SORCS1: variants seen among roughly 807,000 people sequenced by gnomAD.
The protein encoded by SORCS1 is VPS10 domain-containing receptor SorCS1.
In SORCS1, 60 loss-of-function variants were observed where a neutral mutation model predicts 146.1. The ratio of observed to expected loss-of-function variants is 0.41; its 90% CI spans 0.33 to 0.51. The LOEUF (loss-of-function observed/expected upper bound fraction) is 0.51, where lower values mean the gene tolerates loss of function less well. SORCS1 is among the 20% of genes least tolerant of loss of function. SORCS1 has a pLI of 0.21. For synonymous variants in SORCS1, 637 were observed against 584.0 expected (o/e 1.09, Z -1.31); for missense variants, 1,352 against 1,487.6 (o/e 0.91, Z 1.50).
At chr10:107,050,588 T>C (rs939228432) in intron 1 of SORCS1, among the ~76,000 whole-genome samples, 6 of 152,136 alleles carry the variant, frequency 3.9e-5, no homozygotes, top group Non-Finnish European at 8.8e-5. Context: ...GTGGCACCTC[T>C]CCTCAAAACT....
rs1040794351 is a variant in SORCS1, at chr10:106,577,167, A to C, written c.*253T>G. The C allele has an allele frequency of 1.4e-6, 2 of 1,397,270 alleles. No individual in the cohort carries two copies. The highest frequency in any genetic ancestry group is 1.5e-5 in the African/African-American group (1 of 68,836). 86.6% of individuals were successfully genotyped at this position (1,397,270 alleles called of 1,614,324 possible). A position where few individuals can be genotyped will look rare whatever the true frequency, so the allele number is the denominator to read the frequency against. On this transcript the variant is annotated 3_prime_UTR_variant, in exon 26 of 26. Transcript: ENST00000263054. ...TTGTTTGTTTGGATTTTGATTGTTT[A>C]TATTTTATGTTTTGTTTTGTTTTTG...
chr10:106,972,851 G>T (rs551074510), intron 1 of SORCS1, among the ~76,000 whole-genome samples: 1 of 152,300 alleles, frequency 6.6e-6, no homozygotes, highest in East Asian at 1.9e-4. Context: ...CCATTCTATA[G>T]CAATGGGGAG....
intron 1 of SORCS1, among the ~76,000 whole-genome samples, chr10:107,063,974 A>C (rs1030606216): frequency 2.6e-5 from 4 of 152,174 alleles, no homozygotes; most frequent in African/African-American, 9.6e-5. Context: ...TATTCAGTAG[A>C]ATTCAACACT....
intron 17 of SORCS1, among the ~76,000 whole-genome samples, chr10:106,654,987 G>A (rs926566020): frequency 2.0e-5 from 3 of 152,034 alleles, no homozygotes; most frequent in Non-Finnish European, 4.4e-5. Context: ...CATCCAAGTA[G>A]CTGGGATTAC....
At chr10:106,888,347 A>G (rs1951088097) in intron 2 of SORCS1, among the ~76,000 whole-genome samples, 1 of 152,200 alleles carries the variant, frequency 6.6e-6, no homozygotes, top group African/African-American at 2.4e-5. Flanking sequence ...CTGTACATTA[A>G]GGAGGTTCGT....
intron 5 of SORCS1, among the ~76,000 whole-genome samples, chr10:106,752,327 AC>A (rs1278234387): frequency 1.5e-4 from 23 of 152,332 alleles, no homozygotes; most frequent in African/African-American, 5.1e-4. Flanking sequence ...GCTTTCGTAT[AC>A]GGCCAGAAAG....
chr10:106,658,110 A>T (rs1414448115), intron 17 of SORCS1, among the ~76,000 whole-genome samples: 1 of 152,174 alleles, frequency 6.6e-6, no homozygotes, highest in African/African-American at 2.4e-5. Flanking sequence ...ATCATTCAAA[A>T]TTTCCCATGG....
rs538506579 is a variant in SORCS1 at position 107,127,186 on chromosome 10, C to T, written c.558+36783G>A. Reference sequence around the variant, plus strand: ...TTTGCTGATAAAGAGCTAGATCTTGCCATTAGGTAAGAGAGATTCTAGATG... The same window carrying T: ...TTTGCTGATAAAGAGCTAGATCTTGTCATTAGGTAAGAGAGATTCTAGATG... On this transcript the variant is annotated intron_variant, in intron 1 of 25. Transcript: ENST00000263054. 6.6e-5 allele frequency among the ~76,000 whole-genome samples: 10 copies of T among 152,150 alleles called. No individual in the cohort carries two copies. In the South Asian group the frequency reaches 1.5e-3, roughly 22 times the overall value.
intron 6 of SORCS1, among the ~76,000 whole-genome samples, chr10:106,717,685 C>T (rs1317721456): frequency 6.6e-6 from 1 of 152,172 alleles, no homozygotes; most frequent in Admixed American, 6.5e-5. Context: ...AACAAAAGCA[C>T]ACTATTAGGT....
chr10:106,705,618 C>T (rs1331458094), intron 8 of SORCS1, among the ~76,000 whole-genome samples: 1 of 152,198 alleles, frequency 6.6e-6, no homozygotes, highest in African/African-American at 2.4e-5. Context: ...CCTGCATAGT[C>T]CCTTTCTTAT....
At chr10:106,599,607 A>T (rs1415122137) in intron 23 of SORCS1, among the ~76,000 whole-genome samples, 2 of 152,054 alleles carry the variant, frequency 1.3e-5, no homozygotes, top group Admixed American at 1.3e-4. Context: ...TTTCAGAAAA[A>T]ATATTTTTTA....
chr10:107,113,637 C>T (rs747239517), intron 1 of SORCS1, among the ~76,000 whole-genome samples: 82 of 141,940 alleles, frequency 5.8e-4, no homozygotes, highest in Non-Finnish European at 1.0e-3. Context: ...TTGCAGTGAG[C>T]GGAGATCACA....
chr10:107,017,383 CAAACA>C (rs1957943321), intron 1 of SORCS1, among the ~76,000 whole-genome samples: 1 of 152,158 alleles, frequency 6.6e-6, no homozygotes, highest in Non-Finnish European at 1.5e-5. Context: ...CAAGTCTGTG[CAAACA>C]AAACAAAAAA....
At chr10:106,781,266 C>T (rs1860874280) in intron 3 of SORCS1, among the ~76,000 whole-genome samples, 1 of 152,162 alleles carries the variant, frequency 6.6e-6, no homozygotes, top group African/African-American at 2.4e-5. Context: ...AAAAGTTCTT[C>T]ACCACCTCCG....
chr10:106,795,377 T>A (rs907734087), intron 3 of SORCS1, among the ~76,000 whole-genome samples: 7 of 152,204 alleles, frequency 4.6e-5, no homozygotes, highest in African/African-American at 1.7e-4. Flanking sequence ...TTGGTTAGTA[T>A]CCCTTTTTGG....
intron 1 of SORCS1, among the ~76,000 whole-genome samples, chr10:107,116,408 C>A (rs1006374084): frequency 6.6e-6 from 1 of 152,050 alleles, no homozygotes. Flanking sequence ...TATATATACA[C>A]ACACATACAT....
chr10:106,895,270 T>C (rs888281385), intron 2 of SORCS1, among the ~76,000 whole-genome samples: 2 of 152,164 alleles, frequency 1.3e-5, no homozygotes, highest in South Asian at 4.1e-4. Context: ...CCCTCATTAA[T>C]TCTATGCATG....
At chr10:106,964,186 A>G (rs183544632) in intron 1 of SORCS1, among the ~76,000 whole-genome samples, 8 of 152,366 alleles carry the variant, frequency 5.3e-5, no homozygotes, top group Admixed American at 4.6e-4. Context: ...ACACAATATC[A>G]GAATACAGAG....
At chr10:107,127,709 G>A (rs181394202) in intron 1 of SORCS1, among the ~76,000 whole-genome samples, 3 of 152,062 alleles carry the variant, frequency 2.0e-5, no homozygotes, top group African/African-American at 7.2e-5. Flanking sequence ...ATGCTCAAAG[G>A]CTGCCTTTCC....
Sources: gnomAD v4.1 joint callset for allele counts (sites outside exome capture counted in the v4.1 genomes callset) on GRCh38, gnomAD v4.1.1 for gene constraint, MANE v1.5 for transcripts, NCBI Gene and HGNC (gene_info 2026-07-23, HGNC 2026-07-21) for gene names.